CES5A: variants seen among roughly 807,000 people sequenced by gnomAD.
The protein encoded by CES5A is carboxylesterase 5.
A neutral mutation model predicts 62.9 loss-of-function variants in CES5A; 67 were observed. The observed-to-expected ratio is 1.07, with a 90% CI of 0.88 to 1.31. The LOEUF is 1.31. Among genes scored for constraint, CES5A ranks in the 50% most tolerant of loss-of-function variants. The pLI, the probability that CES5A is intolerant of heterozygous loss-of-function variation, is 0.00. For missense variants in CES5A, 748 were observed against 708.5 expected (o/e 1.06, Z -0.63); for synonymous variants, 296 against 280.8 (o/e 1.05, Z -0.54).
At chr16:55,879,121 CTGCACCCCACCAT>C (rs1288562227), upstream of CES5A, among the ~76,000 whole-genome samples, 1 of 149,666 alleles carries the variant, frequency 6.7e-6, no homozygotes, top group South Asian at 2.2e-4. Flanking sequence ...CACCCCACCA[CTGCACCCCACCAT>C]TGCACCTCCA....
rs16955872 is a variant in CES5A at position 55,908,057 on chromosome 16, A to C, written c.-256+17266T>G. 9.2e-3 allele frequency among the ~76,000 whole-genome samples: 1,407 copies of C among 152,224 alleles called. 42 individuals carry two copies. Among genetic ancestry groups the C allele is most frequent in the East Asian group, 0.082 (425 of 5,156 alleles). ...AAGCTATCAGAGTATGCTCTGACTT[A>C]CTATTCTCTTGTCTGGCCTCGGTAT... On this transcript the variant is annotated intron_variant, in intron 1 of 12. Transcript: ENST00000518005.
At chr16:55,918,074 T>C (rs2034165638) in intron 1 of CES5A, among the ~76,000 whole-genome samples, 1 of 152,154 alleles carries the variant, frequency 6.6e-6, no homozygotes, top group African/African-American at 2.4e-5. Flanking sequence ...AAGTTCATCA[T>C]AGTCAGATAT....
intron 1 of CES5A, among the ~76,000 whole-genome samples, chr16:55,919,057 C>A (rs2034175380): frequency 6.6e-6 from 1 of 152,196 alleles, no homozygotes; most frequent in South Asian, 2.1e-4. Flanking sequence ...GACCCCCTAT[C>A]TACCCCACTC....
chr16:55,895,129 G>T (rs1259287180), intron 1 of CES5A, among the ~76,000 whole-genome samples: 4 of 152,148 alleles, frequency 2.6e-5, no homozygotes, highest in Admixed American at 1.3e-4. Flanking sequence ...GATGTAAATT[G>T]TCCAGCTCAG....
intron 2 of CES5A, among the ~76,000 whole-genome samples, chr16:55,946,141 T>A (rs2034492651): frequency 6.6e-6 from 1 of 152,208 alleles, no homozygotes; most frequent in African/African-American, 2.4e-5. Context: ...GAAGATAAAG[T>A]AACTTCTCCC....
chr16:55,846,456 G>A lies in CES5A; in HGVS notation c.1723C>T (p.Pro575Ser). The change falls in exon 13 of 13, where the codon CCT becomes TCT. Residue 575 changes from proline (P) to serine (S), a missense_variant. Transcript: ENST00000290567. Reference protein sequence around the residue: ...LLQPFFFFCAP With the variant: ...LLQPFFFFCAS ...AATCACAGAAAGATAACTTCTCAAG[G>A]AGCACAAAAGAAAAAGAAAGGCTGG... The A allele has an allele frequency of 1.2e-6, 2 of 1,611,454 alleles. No homozygotes were observed. Among genetic ancestry groups the A allele is most frequent in the Non-Finnish European group, 1.7e-6 (2 of 1,177,750 alleles).
At chr16:55,862,970 G>A (rs1229410937) in intron 6 of CES5A, among the ~76,000 whole-genome samples, 2 of 152,204 alleles carry the variant, frequency 1.3e-5, no homozygotes, top group East Asian at 3.8e-4. Flanking sequence ...TTCCCACTGA[G>A]CTGGAAACAG....
At chr16:55,867,153 C>A (rs1160631215) in intron 4 of CES5A, among the ~76,000 whole-genome samples, 1 of 152,196 alleles carries the variant, frequency 6.6e-6, no homozygotes, top group African/African-American at 2.4e-5. Flanking sequence ...AGTGTTTGGG[C>A]AGAGGCTGCT....
chr16:55,891,110 C>T (rs1484556160), intron 1 of CES5A, among the ~76,000 whole-genome samples: 2 of 152,124 alleles, frequency 1.3e-5, no homozygotes, highest in African/African-American at 4.8e-5. Context: ...TATGCCATAA[C>T]CATTTTTCCC....
At chr16:55,948,534 C>T (rs1025763603) in intron 2 of CES5A, among the ~76,000 whole-genome samples, 10 of 152,148 alleles carry the variant, frequency 6.6e-5, no homozygotes, top group Non-Finnish European at 1.5e-4. Flanking sequence ...TTTACATTGT[C>T]AGGGTGAGGG....
chr16:55,850,513 A>G (rs1164818036), intron 10 of CES5A, among the ~76,000 whole-genome samples: 1 of 152,242 alleles, frequency 6.6e-6, no homozygotes, highest in African/African-American at 2.4e-5. Context: ...TTCACTTAGC[A>G]AAATGTTTAC....
Position 55,954,902 on chromosome 16 carries a change from C to G in CES5A, c.42+942G>C, listed in dbSNP as rs372453794. Reference sequence around the variant, plus strand: ...TTGCATGGAGAGAGCAATGGCAAAGCCTGGCTTCTAGCTTTGCAATCTACC... The same window carrying G: ...TTGCATGGAGAGAGCAATGGCAAAGGCTGGCTTCTAGCTTTGCAATCTACC... On this transcript the variant is annotated intron_variant, in intron 1 of 13. Coordinates refer to the CES5A transcript ENST00000521992. Among the ~76,000 whole-genome samples, 16 of 152,290 alleles carry G rather than the reference C, an allele frequency of 1.1e-4. No homozygotes were observed. The South Asian group carries it at 3.3e-3, about 32-fold the overall frequency.
chr16:55,892,846 G>A (rs561295055), intron 1 of CES5A, among the ~76,000 whole-genome samples: 9 of 152,174 alleles, frequency 5.9e-5, no homozygotes, highest in African/African-American at 1.9e-4. Context: ...TCCTAAATGA[G>A]TACAGATAAA....
chr16:55,929,354 C>T (rs1300197744), upstream of CES5A, among the ~76,000 whole-genome samples: 2 of 152,196 alleles, frequency 1.3e-5, no homozygotes, highest in African/African-American at 4.8e-5. Flanking sequence ...CAGCATCCCC[C>T]TCATACCCCC....
At chr16:55,921,636 GA>G (rs1187326389) in intron 1 of CES5A, among the ~76,000 whole-genome samples, 8,075 of 62,106 alleles carry the variant, frequency 0.13, 354 homozygotes, top group African/African-American at 0.24. Flanking sequence ...CAATCTGAAA[GA>G]AAAAAAAAAA....
At chr16:55,885,131 C>A (rs915884433) in intron 1 of CES5A, among the ~76,000 whole-genome samples, 1 of 152,192 alleles carries the variant, frequency 6.6e-6, no homozygotes, top group Non-Finnish European at 1.5e-5. Flanking sequence ...TACTCTACTG[C>A]CTTTGTAGGC....
chr16:55,934,774 C>T (rs1272819476), intron 2 of CES5A, among the ~76,000 whole-genome samples: 1 of 152,020 alleles, frequency 6.6e-6, no homozygotes, highest in Non-Finnish European at 1.5e-5. Context: ...GCTGTGAAGT[C>T]CCAAGGTCTG....
chr16:55,935,639 A>G (rs113009872), intron 2 of CES5A, among the ~76,000 whole-genome samples: 2,288 of 152,304 alleles, frequency 0.015, 70 homozygotes, highest in African/African-American at 0.052. Flanking sequence ...CAAGCCTTCC[A>G]CCACACTCCT....
intron 1 of CES5A, among the ~76,000 whole-genome samples, chr16:55,881,175 C>A (rs1192793145): frequency 2.0e-5 from 3 of 152,160 alleles, no homozygotes; most frequent in African/African-American, 7.2e-5. Context: ...AATGCATAGA[C>A]TTGACCTGTG....
Sources: gnomAD v4.1 joint callset for allele counts (sites outside exome capture counted in the v4.1 genomes callset) on GRCh38, gnomAD v4.1.1 for gene constraint, MANE v1.5 for transcripts, NCBI Gene and HGNC (gene_info 2026-07-23, HGNC 2026-07-21) for gene names.